The following CHODL variants were observed in gnomAD, a reference collection of about 807,000 sequenced individuals.
CHODL encodes chondrolectin, also known as transmembrane protein MT75.
A neutral mutation model predicts 34.5 loss-of-function variants in CHODL; 29 were observed. The observed-to-expected ratio is 0.84, with a 90% CI of 0.63 to 1.15. The LOEUF (loss-of-function observed/expected upper bound fraction) is 1.15, where lower values mean the gene tolerates loss of function less well. Ranked by LOEUF, CHODL falls within the 50% of genes most tolerant of loss-of-function variation. The probability of loss-of-function intolerance (pLI) is 0.00; values close to 1 mark genes in which losing one functional copy is unlikely to be tolerated. For synonymous variants in CHODL, 125 were observed against 116.1 expected (o/e 1.08, Z -0.49); for missense variants, 332 against 332.5 (o/e 1.00, Z 0.01).
intron 2 of CHODL, among the ~76,000 whole-genome samples, chr21:18,043,954 A>G (rs542099532): frequency 6.6e-6 from 1 of 151,900 alleles, no homozygotes; most frequent in African/African-American, 2.4e-5. Context: ...ATCACAGAAC[A>G]GTATGTGGAA....
intron 2 of CHODL, among the ~76,000 whole-genome samples, chr21:18,115,689 C>T (rs1451983876): frequency 6.6e-6 from 1 of 152,178 alleles, no homozygotes; most frequent in Non-Finnish European, 1.5e-5. Context: ...TTAATTATCC[C>T]GATCCATGGT....
In CHODL at chr21:18,266,314, G is replaced by C. The variant is rs1046199084; in HGVS notation, c.*276G>C. The C allele has an allele frequency of 1.6e-5, 15 of 943,968 alleles. No individual in the cohort carries two copies. Among genetic ancestry groups the C allele is most frequent in the Admixed American group, 6.0e-5 (2 of 33,442 alleles). 58.5% of individuals were successfully genotyped at this position (943,968 alleles called of 1,614,324 possible). ...TGAAATGGACAATGCAGATAAAGTT[G>C]TTATCAACACGTCGGGAGTATGTGT... On this transcript the variant is annotated 3_prime_UTR_variant, in exon 6 of 6. Transcript: ENST00000299295.
upstream of CHODL, among the ~76,000 whole-genome samples, chr21:18,242,017 A>G (rs543394139): frequency 6.6e-6 from 1 of 151,954 alleles, no homozygotes; most frequent in African/African-American, 2.4e-5. Flanking sequence ...TTAATGGACA[A>G]AGACCCTTAA....
intron 1 of CHODL, among the ~76,000 whole-genome samples, chr21:17,938,770 G>A (rs2063340262): frequency 6.6e-6 from 1 of 151,918 alleles, no homozygotes; most frequent in African/African-American, 2.4e-5. Context: ...GAGCCACGGC[G>A]CCCGGCCGAA....
intron 2 of CHODL, among the ~76,000 whole-genome samples, chr21:18,109,007 C>G (rs958024987): frequency 7.9e-5 from 12 of 151,688 alleles, no homozygotes; most frequent in African/African-American, 2.9e-4. Flanking sequence ...AGATCCAGAA[C>G]TTATAGCAGA....
intron 1 of CHODL, among the ~76,000 whole-genome samples, chr21:17,950,391 G>A (rs868118399): frequency 1.0e-4 from 15 of 150,510 alleles, no homozygotes; most frequent in Admixed American, 4.6e-4. Context: ...GAGAGAGAGA[G>A]AAAAAAAATA....
chr21:18,222,171 C>T (rs959503111), intron 2 of CHODL, among the ~76,000 whole-genome samples: 1 of 152,054 alleles, frequency 6.6e-6, no homozygotes, highest in African/African-American at 2.4e-5. Context: ...TTGAGGAGCT[C>T]ATGCTTCAGT....
intron 1 of CHODL, among the ~76,000 whole-genome samples, chr21:17,957,724 TATAAA>T (rs769815231): frequency 4.6e-5 from 7 of 151,340 alleles, no homozygotes; most frequent in African/African-American, 7.2e-5. Context: ...AATAATAAAA[TATAAA>T]ATAAAATATA....
At chr21:18,136,599 T>C (rs1347941643) in intron 2 of CHODL, among the ~76,000 whole-genome samples, 3 of 151,672 alleles carry the variant, frequency 2.0e-5, no homozygotes, top group African/African-American at 7.2e-5. Context: ...CTTAGTAGCT[T>C]ATCCTGTGGG....
chr21:18,248,753 T>C (rs28547238), intron 1 of CHODL, among the ~76,000 whole-genome samples: 22 of 116,498 alleles, frequency 1.9e-4, no homozygotes, highest in African/African-American at 7.3e-4. Flanking sequence ...ATAATATATA[T>C]GTATATATGT....
At chr21:18,085,900 T>A (rs2065000287) in intron 2 of CHODL, among the ~76,000 whole-genome samples, 1 of 152,152 alleles carries the variant, frequency 6.6e-6, no homozygotes, top group African/African-American at 2.4e-5. Context: ...TCTGACTCTC[T>A]TGCAAGACAT....
chr21:18,208,085 A>G (rs775901440), intron 2 of CHODL, among the ~76,000 whole-genome samples: 5 of 151,728 alleles, frequency 3.3e-5, no homozygotes, highest in Non-Finnish European at 7.4e-5. Context: ...TTTAAGGTGT[A>G]TAACTTGAAT....
intron 1 of CHODL, among the ~76,000 whole-genome samples, chr21:17,946,148 T>G (rs927227108): frequency 2.0e-5 from 3 of 152,140 alleles, no homozygotes; most frequent in Non-Finnish European, 4.4e-5. Flanking sequence ...TTGGGCGCGG[T>G]GGCTCACGCT....
At chr21:18,001,585 A>G (rs1182510729) in intron 1 of CHODL, among the ~76,000 whole-genome samples, 2 of 152,204 alleles carry the variant, frequency 1.3e-5, no homozygotes, top group African/African-American at 4.8e-5. Context: ...CAGAAAATAC[A>G]TTTAGTCCCC....
intron 2 of CHODL, among the ~76,000 whole-genome samples, chr21:18,109,304 G>A (rs568947014): frequency 1.3e-5 from 2 of 152,282 alleles, no homozygotes; most frequent in Admixed American, 1.3e-4. Context: ...CAGATGCTTA[G>A]TAGCTTAGCT....
intron 2 of CHODL, among the ~76,000 whole-genome samples, chr21:18,200,652 C>A (rs1290848888): frequency 6.6e-6 from 1 of 152,114 alleles, no homozygotes; most frequent in Non-Finnish European, 1.5e-5. Flanking sequence ...ATTTTTTATT[C>A]CAATTACTTA....
intron 2 of CHODL, among the ~76,000 whole-genome samples, chr21:18,202,505 CAGACAT>C (rs2073666185): frequency 6.6e-6 from 1 of 152,178 alleles, no homozygotes; most frequent in Admixed American, 6.5e-5. Context: ...CATACGTCTT[CAGACAT>C]AGAAAGAAGG....
At chr21:18,178,956 T>G (rs890829551) in intron 2 of CHODL, among the ~76,000 whole-genome samples, 2 of 152,214 alleles carry the variant, frequency 1.3e-5, no homozygotes, top group African/African-American at 2.4e-5. Flanking sequence ...CATCAGAGGA[T>G]GGAGCCAATA....
intron 1 of CHODL, among the ~76,000 whole-genome samples, chr21:17,970,965 T>C (rs552053976): frequency 6.6e-5 from 10 of 152,210 alleles, no homozygotes; most frequent in Admixed American, 5.9e-4. Context: ...TTCCCACTTA[T>C]GAGTGAGAAG....
Sources: gnomAD v4.1 joint callset for allele counts (sites outside exome capture counted in the v4.1 genomes callset) on GRCh38, gnomAD v4.1.1 for gene constraint, MANE v1.5 for transcripts, NCBI Gene and HGNC (gene_info 2026-07-23, HGNC 2026-07-21) for gene names.